The following LUZP2 variants were observed in gnomAD, a reference collection of about 807,000 sequenced individuals.
The protein encoded by LUZP2 is leucine zipper protein 2.
In LUZP2, 52 loss-of-function variants were observed where a neutral mutation model predicts 51.6. That is an observed-to-expected ratio of 1.01 (90% CI 0.81 to 1.27). The LOEUF (loss-of-function observed/expected upper bound fraction) is 1.27. Among genes scored for constraint, LUZP2 ranks in the 50% most tolerant of loss-of-function variants. LUZP2 has a pLI of 0.00. For synonymous variants in LUZP2, 154 were observed against 137.3 expected, an observed-to-expected ratio of 1.12 and a Z score of -0.85; for missense variants, 436 against 395.4, an observed-to-expected ratio of 1.10 and a Z score of -0.87.
intron 1 of LUZP2, among the ~76,000 whole-genome samples, chr11:24,586,072 A>G (rs1243781169): frequency 2.0e-5 from 3 of 152,080 alleles, no homozygotes; most frequent in Non-Finnish European, 4.4e-5. Context: ...TTCTTTCTCA[A>G]TTACCATTTG....
At chr11:24,760,382 A>T (rs1413014623) in intron 4 of LUZP2, among the ~76,000 whole-genome samples, 1 of 151,920 alleles carries the variant, frequency 6.6e-6, no homozygotes, top group Non-Finnish European at 1.5e-5. Flanking sequence ...GATTAGGAGG[A>T]CTTAGAGTTT....
intron 1 of LUZP2, among the ~76,000 whole-genome samples, chr11:24,616,472 CGCAT>C (rs201675157): frequency 0.086 from 11,554 of 134,672 alleles, 512 homozygotes; most frequent in Admixed American, 0.15. Flanking sequence ...ATTTGGCGTG[CGCAT>C]GTGTGTGTGT....
intron 5 of LUZP2, among the ~76,000 whole-genome samples, chr11:24,849,891 T>A (rs926103294): frequency 6.6e-6 from 1 of 152,210 alleles, no homozygotes; most frequent in Non-Finnish European, 1.5e-5. Context: ...GCTGAGCTTT[T>A]TCTTCATACA....
At chr11:24,718,456 T>A (rs1338390354) in intron 1 of LUZP2, among the ~76,000 whole-genome samples, 1 of 152,166 alleles carries the variant, frequency 6.6e-6, no homozygotes, top group East Asian at 1.9e-4. Context: ...TGTCTGTGAG[T>A]GCATCATAAC....
chr11:24,689,366 T>C (rs1339945332), intron 1 of LUZP2, among the ~76,000 whole-genome samples: 2 of 152,186 alleles, frequency 1.3e-5, no homozygotes, highest in Admixed American at 1.3e-4. Context: ...CTCTTACCAA[T>C]TGAGCATTCT....
chr11:24,567,543 T>C (rs987769842), intron 1 of LUZP2, among the ~76,000 whole-genome samples: 1 of 151,880 alleles, frequency 6.6e-6, no homozygotes, highest in African/African-American at 2.4e-5. Flanking sequence ...GTCAAAATAT[T>C]GAAAGCCAAA....
intron 1 of LUZP2, among the ~76,000 whole-genome samples, chr11:24,517,181 A>T (rs1413734090): frequency 2.0e-5 from 3 of 152,148 alleles, no homozygotes; most frequent in African/African-American, 7.2e-5. Flanking sequence ...CTATTGCTAA[A>T]GGTTAAAAAT....
intron 1 of LUZP2, among the ~76,000 whole-genome samples, chr11:24,615,170 C>T (rs1854244841): frequency 6.6e-6 from 1 of 151,846 alleles, no homozygotes; most frequent in African/African-American, 2.4e-5. Flanking sequence ...CATGTACCTT[C>T]ACCCAGTTTC....
intron 1 of LUZP2, among the ~76,000 whole-genome samples, chr11:24,699,159 A>C (rs1857344105): frequency 6.6e-6 from 1 of 151,376 alleles, no homozygotes; most frequent in Non-Finnish European, 1.5e-5. Context: ...TCATTTGCAA[A>C]CTACTGATTT....
intron 10 of LUZP2, among the ~76,000 whole-genome samples, chr11:25,055,651 G>A (rs868229732): frequency 1.6e-4 from 24 of 151,942 alleles, no homozygotes; most frequent in African/African-American, 2.9e-4. Flanking sequence ...ATCTAATTTC[G>A]CTTATCAGTC....
At chr11:24,543,730 A>C (rs1851450781) in intron 1 of LUZP2, among the ~76,000 whole-genome samples, 1 of 144,430 alleles carries the variant, frequency 6.9e-6, no homozygotes, top group African/African-American at 2.6e-5. Flanking sequence ...CTGAGGCAGG[A>C]GAATCTCTTG....
chr11:24,613,432 T>C (rs1048802680), intron 1 of LUZP2, among the ~76,000 whole-genome samples: 6 of 152,142 alleles, frequency 3.9e-5, no homozygotes, highest in African/African-American at 9.6e-5. Context: ...AAAAATGACA[T>C]AGGGTAAAAC....
intron 1 of LUZP2, among the ~76,000 whole-genome samples, chr11:24,658,662 T>C (rs1235209766): frequency 6.6e-6 from 1 of 152,068 alleles, no homozygotes; most frequent in African/African-American, 2.4e-5. Context: ...AGAAAATTTT[T>C]GCAATCTACT....
chr11:24,916,796 C>A (rs191682857), intron 7 of LUZP2, among the ~76,000 whole-genome samples: 1 of 152,230 alleles, frequency 6.6e-6, no homozygotes, highest in African/African-American at 2.4e-5. Flanking sequence ...CATAAACATA[C>A]GTGTGCATGT....
intron 5 of LUZP2, among the ~76,000 whole-genome samples, chr11:24,859,398 A>C (rs1420054540): frequency 6.6e-6 from 1 of 152,222 alleles, no homozygotes; most frequent in Admixed American, 6.5e-5. Context: ...TACAAATATT[A>C]AGTCAAAATG....
chr11:24,868,247 T>C (rs1851955479), intron 5 of LUZP2, among the ~76,000 whole-genome samples: 1 of 152,170 alleles, frequency 6.6e-6, no homozygotes, highest in East Asian at 1.9e-4. Flanking sequence ...AAATTCTTCC[T>C]TACTGGAGAC....
At chr11:25,022,700 T>C (rs2133976745) in intron 9 of LUZP2, among the ~76,000 whole-genome samples, 1 of 152,190 alleles carries the variant, frequency 6.6e-6, no homozygotes, top group South Asian at 2.1e-4. Flanking sequence ...CCTAAATCAA[T>C]AGTACTGGAC....
At chr11:24,891,036 C>T (rs1852838233) in intron 5 of LUZP2, 4 of 982,782 alleles carry the variant, frequency 4.1e-6, no homozygotes, top group Non-Finnish European at 4.8e-6. Context: ...ATGGAAGGAA[C>T]TCAAATGTTA....
At chr11:24,606,655 T>C (rs1052106484) in intron 1 of LUZP2, among the ~76,000 whole-genome samples, 5 of 152,040 alleles carry the variant, frequency 3.3e-5, no homozygotes, top group Admixed American at 3.3e-4. Flanking sequence ...TTATTTCCTT[T>C]GTATGTATGC....
Sources: gnomAD v4.1 joint callset for allele counts (sites outside exome capture counted in the v4.1 genomes callset) on GRCh38, gnomAD v4.1.1 for gene constraint, MANE v1.5 for transcripts, NCBI Gene and HGNC (gene_info 2026-07-23, HGNC 2026-07-21) for gene names.